Variants in NCAM1 observed in about 807,000 individuals in gnomAD.
The protein encoded by NCAM1 is neural cell adhesion molecule 1.
In NCAM1, 14 loss-of-function variants were observed where a neutral mutation model predicts 109.8. The observed-to-expected ratio is 0.13, with a 90% CI of 0.08 to 0.20. The LOEUF is 0.20. Among genes scored for constraint, NCAM1 ranks in the 10% least tolerant of loss-of-function variants. The pLI is 1.00. For missense variants in NCAM1, 774 were observed against 1,109.9 expected (o/e 0.70, Z 4.30); for synonymous variants, 418 against 442.9 (o/e 0.94, Z 0.70).
intron 1 of NCAM1, among the ~76,000 whole-genome samples, chr11:112,961,902 G>T (rs1950574650): frequency 1.3e-5 from 2 of 152,126 alleles, no homozygotes; most frequent in Admixed American, 1.3e-4. Context: ...CCTCCGGCGC[G>T]TCCGCCCTTC....
chr11:113,202,226 C>T (rs1348080415), intron 1 of NCAM1, 153 bp from the exon 2 acceptor site: 1 of 755,916 alleles, frequency 1.3e-6, no homozygotes, highest in Non-Finnish European at 2.1e-6. Flanking sequence ...CACACAACCT[C>T]CTCCCTTCAC....
rs1944209994 is a variant in NCAM1, at chr11:113,205,499, C to A, written c.347-24C>A. The A allele has an allele frequency of 3.8e-6, 6 of 1,598,896 alleles. No homozygotes were observed. In the East Asian group the frequency reaches 1.3e-4, roughly 36 times the overall value. On this transcript the variant is annotated intron_variant, in intron 3 of 19. Transcript: ENST00000316851. ...TTTGTGAGAGAAGCAGCTGTTTTCC[C>A]TCACTCTTCTGTTCATCTTCCAGAG... is the stretch of plus-strand genomic sequence containing the variant.
rs1555125946 is a variant in NCAM1, at chr11:113,273,552, A to T, written c.2456+1676A>T. 2.6e-6 allele frequency: 1 copy of T among 382,442 alleles called. No individual in the cohort carries two copies. Among genetic ancestry groups the T allele is most frequent in the Admixed American group, 2.9e-5 (1 of 34,842 alleles). The allele number at this position is 382,442 out of a possible 1,614,324, so 23.7% of individuals were successfully genotyped here. A position where few individuals can be genotyped will look rare whatever the true frequency, so the allele number is the denominator to read the frequency against. On this transcript the variant is annotated intron_variant, in intron 19 of 19. Coordinates refer to ENST00000316851, the MANE Select transcript of NCAM1 (RefSeq NM_181351.5). This position sits in a 1 kb window ranked among gnomAD's most constrained non-coding sequence, Gnocchi z 6.0. ...CCCGAAGAGCGAGGCTGCCTCCGTC[A>T]GCACCACAAACCCTTCCCAGGGCGA...
At position 113,246,345 on chromosome 11, in the gene NCAM1, A is replaced by T. The variant is rs1555120211; in HGVS notation, c.1826-23A>T. ...TCATGTGGCTTGCATGGTGCTGATG[A>T]TGTCGTCCACGCTGGTGAACAGAAG... On this transcript the variant is annotated intron_variant, in intron 14 of 19. Transcript: ENST00000316851. 6.8e-6 allele frequency: 5 copies of T among 739,404 alleles called. No individual in the cohort carries two copies. The South Asian group carries it at 7.2e-5, about 11-fold the overall frequency. 45.8% of individuals were successfully genotyped at this position (739,404 alleles called of 1,614,324 possible). A position where few individuals can be genotyped will look rare whatever the true frequency, so the allele number is the denominator to read the frequency against.
At chr11:113,077,136 A>G (rs1938561560) in intron 1 of NCAM1, among the ~76,000 whole-genome samples, 1 of 152,172 alleles carries the variant, frequency 6.6e-6, no homozygotes, top group Admixed American at 6.5e-5. Context: ...CTTTCTAGGA[A>G]CCTGTAATTA....
chr11:113,146,252 A>G (rs782206857), intron 1 of NCAM1, among the ~76,000 whole-genome samples: 2 of 152,248 alleles, frequency 1.3e-5, no homozygotes, highest in Non-Finnish European at 2.9e-5. Flanking sequence ...AGGTTGGAGT[A>G]CAAGTTACTT....
At chr11:113,090,585 A>G (rs1406635276) in intron 1 of NCAM1, among the ~76,000 whole-genome samples, 1 of 152,324 alleles carries the variant, frequency 6.6e-6, no homozygotes. Context: ...AGCTGAAAAA[A>G]CATTTGGGGA....
At position 113,215,495 on chromosome 11, in the gene NCAM1, A is replaced by G. The variant is rs111463961; in HGVS notation, c.1059+984A>G. ...TTTCACTCTTCTGCCTGCCTAAAGG[A>G]AATCTCTAGAGAGAGTAAACTCAAA... On this transcript the variant is annotated intron_variant, in intron 8 of 19. Coordinates refer to ENST00000316851, the MANE Select transcript of NCAM1 (RefSeq NM_181351.5). 2.7e-3 allele frequency among the ~76,000 whole-genome samples: 342 copies of G among 125,418 alleles called. 2 individuals are homozygous for G. Among genetic ancestry groups the G allele is most frequent in the African/African-American group, 9.4e-3 (325 of 34,626 alleles). The allele number at this position is 125,418 out of a possible 152,430, so 82.3% of individuals were successfully genotyped here. A position where few individuals can be genotyped will look rare whatever the true frequency, so the allele number is the denominator to read the frequency against.
At position 113,182,389 on chromosome 11, in the gene NCAM1, A is replaced by G. The variant is rs74679371; in HGVS notation, c.53-19990A>G. On this transcript the variant is annotated intron_variant, in intron 1 of 19. Transcript: ENST00000316851. The stretch of plus-strand genomic sequence containing the variant: ...GTTCCTTCCTTCACTGTCCTCTGTC[A>G]TCCTGGCCCTGATGCTTCTCTTCTG... 1.7e-3 allele frequency among the ~76,000 whole-genome samples: 264 copies of G among 152,260 alleles called. 9 individuals carry two copies. The East Asian group carries it at 0.04, about 23-fold the overall frequency.
chr11:112,968,527 C>T (rs572469506), intron 1 of NCAM1, among the ~76,000 whole-genome samples: 1 of 152,162 alleles, frequency 6.6e-6, no homozygotes, highest in Non-Finnish European at 1.5e-5. Flanking sequence ...AATCTTCACA[C>T]TAATTATTTA....
At chr11:113,137,686 A>G (rs909073312) in intron 1 of NCAM1, among the ~76,000 whole-genome samples, 2 of 152,244 alleles carry the variant, frequency 1.3e-5, no homozygotes, top group East Asian at 3.8e-4. Flanking sequence ...GTGCACAACT[A>G]ATTAGAACTT....
chr11:113,025,006 C>T (rs1952493355), intron 1 of NCAM1, among the ~76,000 whole-genome samples: 3 of 152,202 alleles, frequency 2.0e-5, no homozygotes, highest in African/African-American at 7.2e-5. Flanking sequence ...AATTTAAAAT[C>T]TCATTGGAAG....
At chr11:113,169,309 C>A (rs1287599492) in intron 1 of NCAM1, among the ~76,000 whole-genome samples, 1 of 152,068 alleles carries the variant, frequency 6.6e-6, no homozygotes, top group Non-Finnish European at 1.5e-5. Flanking sequence ...TAGGGTTGAA[C>A]TCTCCCCAAT....
chr11:113,148,701 T>C (rs1942112318), intron 1 of NCAM1, among the ~76,000 whole-genome samples: 1 of 152,204 alleles, frequency 6.6e-6, no homozygotes, highest in Admixed American at 6.5e-5. Context: ...GGCATCACCA[T>C]AGGTACTTTC....
rs552039747 is a variant in NCAM1, at chr11:112,986,196, A to G, written c.52+24532A>G. On this transcript the variant is annotated intron_variant, in intron 1 of 19. Coordinates refer to ENST00000316851, the MANE Select transcript of NCAM1 (RefSeq NM_181351.5). ...TATGGTTTTTGTCCTTCATTCTTTTAATATAGTATATCACATTTATTGATT... is the reference window on the plus strand; with the variant it reads ...TATGGTTTTTGTCCTTCATTCTTTTGATATAGTATATCACATTTATTGATT... Among the ~76,000 whole-genome samples, 5 of 152,066 alleles carry G rather than the reference A, an allele frequency of 3.3e-5. 1 individual carries two copies. The South Asian group carries it at 1.0e-3, about 32-fold the overall frequency.
intron 1 of NCAM1, among the ~76,000 whole-genome samples, chr11:113,104,015 C>A (rs1940009590): frequency 6.6e-6 from 1 of 151,948 alleles, no homozygotes; most frequent in Non-Finnish European, 1.5e-5. Context: ...AGCTGGGAAA[C>A]CCTGGGTTGG....
At chr11:113,207,715 G>A (rs1944277808) in intron 6 of NCAM1, 118 bp from the exon 7 acceptor site, 1 of 1,131,784 alleles carries the variant, frequency 8.8e-7, no homozygotes, top group Non-Finnish European at 1.3e-6. Context: ...TTAACTTTTT[G>A]TGAAGACTGA....
intron 1 of NCAM1, among the ~76,000 whole-genome samples, chr11:113,080,974 T>A (rs1938782821): frequency 6.6e-6 from 1 of 152,244 alleles, no homozygotes; most frequent in African/African-American, 2.4e-5. Context: ...ATTTTCTTTT[T>A]AATTAAGTTG....
rs1439358279 is a variant in NCAM1, at chr11:113,275,745, G to A, written c.*358G>A. On this transcript the variant is annotated 3_prime_UTR_variant, in exon 20 of 20. Transcript: ENST00000316851. ...CTAGGAAGCTCAGAAACGAAATCTAGGTTCAGGAAGACCACACTTGGTGTT... is the reference window on the plus strand; with the variant it reads ...CTAGGAAGCTCAGAAACGAAATCTAAGTTCAGGAAGACCACACTTGGTGTT... The A allele has an allele frequency of 5.4e-6, 1 of 186,692 alleles. No homozygotes were observed. Among genetic ancestry groups the A allele is most frequent in the Non-Finnish European group, 1.1e-5 (1 of 89,578 alleles). The allele number at this position is 186,692 out of a possible 1,614,324, so 11.6% of individuals were successfully genotyped here. A position where few individuals can be genotyped will look rare whatever the true frequency, so the allele number is the denominator to read the frequency against.
Sources: gnomAD v4.1 joint callset for allele counts (sites outside exome capture counted in the v4.1 genomes callset) on GRCh38, gnomAD v4.1.1 for gene constraint, Gnocchi (gnomAD v3.1) non-coding constraint, MANE v1.5 for transcripts, NCBI Gene and HGNC (gene_info 2026-07-23, HGNC 2026-07-21) for gene names.